The following TAP2 variants were observed in gnomAD, a reference collection of about 807,000 sequenced individuals.
TAP2 encodes transporter 2, ATP binding cassette subfamily B member, also known as antigen peptide transporter 2.
Under a neutral mutation model 74.7 loss-of-function variants are expected in TAP2, and 49 were observed. The ratio of observed to expected loss-of-function variants is 0.66; its 90% CI spans 0.52 to 0.83. TAP2 has a LOEUF of 0.83. Among genes scored for constraint, TAP2 ranks in the 40% least tolerant of loss-of-function variants. TAP2 has a pLI of 0.00. For missense variants in TAP2, 739 were observed against 859.0 expected (o/e 0.86, Z 1.75); for synonymous variants, 306 against 368.4 (o/e 0.83, Z 1.94).
At position 32,838,221 on chromosome 6, in the gene TAP2, C is replaced by T; in HGVS notation, c.13G>A (p.Asp5Asn). Residue 5 changes from aspartate (D) to asparagine (N), a missense_variant, in exon 2 of 12, where the codon GAC becomes AAC. Physicochemically the swap from Asp to Asn is conservative, Grantham distance 23. Transcript: ENST00000374897. MRLP[D>N]LRPWTSLLLV... is the part of the protein sequence containing the mutation. ...AGCAGGGAGGTCCAGGGTCTCAGGT[C>T]AGGGAGCCGCATGGCTCTGTCAACG... is the stretch of plus-strand genomic sequence containing the variant. The T allele has an allele frequency of 1.3e-6, 2 of 1,574,352 alleles. No homozygotes were observed. Among genetic ancestry groups the T allele is most frequent in the Non-Finnish European group, 1.7e-6 (2 of 1,162,652 alleles).
chr6:32,826,401 C>T lies in TAP2; in HGVS notation c.*2505G>A, dbSNP rs758647960. The T allele has an allele frequency of 2.9e-5, 29 of 985,044 alleles. No homozygotes were observed. The highest frequency in any genetic ancestry group is 1.2e-4 in the Admixed American group (2 of 16,232). 61.0% of individuals were successfully genotyped at this position (985,044 alleles called of 1,614,324 possible). Reference sequence around the variant, plus strand: ...GGGTGGGAAAGATACTGCAGGTAAGCGACAAGAAGGGGAAATTACAGGGTA... The same window carrying T: ...GGGTGGGAAAGATACTGCAGGTAAGTGACAAGAAGGGGAAATTACAGGGTA... On this transcript the variant is annotated 3_prime_UTR_variant, in exon 12 of 12. Transcript: ENST00000374897.
chr6:32,837,968 G>A lies in TAP2; in HGVS notation c.266C>T (p.Ala89Val). The A allele has an allele frequency of 6.2e-7, 1 of 1,612,756 alleles. No homozygotes were observed. The highest frequency in any genetic ancestry group is 8.5e-7 in the Non-Finnish European group (1 of 1,179,876). Residue 89 changes from alanine (A) to valine (V), a missense_variant, in exon 2 of 12, where the codon GCT (alanine) becomes GTT (valine). By Grantham distance (64) the Ala-to-Val change is moderately conservative (BLOSUM62 0). Coordinates refer to ENST00000374897, the MANE Select transcript of TAP2 (RefSeq NM_001290043.2). Reference protein sequence around the residue: ...LRALVAGASRAPPARVASAPW... With the variant: ...LRALVAGASRVPPARVASAPW... ...GGCTGAAGCGACTCTGGCTGGGGGA[G>A]CACGTGAGGCCCCCGCGACCAGGGC...
chr6:32,830,478 CTCCCTCAAAA>C, intron 8 of TAP2, 38 bp from the exon 9 acceptor site: 1 of 1,597,644 alleles, frequency 6.3e-7, no homozygotes, highest in Non-Finnish European at 8.5e-7. Context: ...CCTGCCCCTT[CTCCCTCAAAA>C]TCCCTCCATT....
chr6:32,822,148 G>T, downstream of TAP2: 2 of 709,642 alleles, frequency 2.8e-6, no homozygotes, highest in Non-Finnish European at 4.8e-6. Flanking sequence ...CCGAAGTATT[G>T]TTTTACATGT....
In TAP2 at chr6:32,835,097, GCCTCCTCA is replaced by G. The variant is rs2127362891; in HGVS notation, c.945+49_945+56del. ...GGATCCTCTAGCCACAAATGTGGAA[GCCTCCTCA>G]CCTGTCAGTTTTATTCTCCCTTTGG... On this transcript the variant is annotated intron_variant, in intron 5 of 11. Coordinates refer to ENST00000374897, the MANE Select transcript of TAP2 (RefSeq NM_001290043.2). This position sits in a 1 kb window ranked among gnomAD's most constrained non-coding sequence, Gnocchi z 4.0. 3.8e-6 allele frequency: 6 copies of G among 1,573,902 alleles called. No individual in the cohort carries two copies. The South Asian group carries it at 5.6e-5, about 15-fold the overall frequency.
chr6:32,827,686 G>A lies in TAP2; in HGVS notation c.*1220C>T, dbSNP rs939557449. The stretch of plus-strand genomic sequence containing the variant: ...GTGTTGGGGAAGGCAGAAGTTTGTC[G>A]TGGAGCTGGATACAACAGGAGAGGG... On this transcript the variant is annotated 3_prime_UTR_variant, in exon 12 of 12. Coordinates refer to ENST00000374897, the MANE Select transcript of TAP2 (RefSeq NM_001290043.2). 23 of 936,044 alleles carry A rather than the reference G, an allele frequency of 2.5e-5. No homozygotes were observed. In the South Asian group the frequency reaches 7.3e-4, roughly 30 times the overall value. 58.0% of individuals were successfully genotyped at this position (936,044 alleles called of 1,614,324 possible).
At chr6:32,834,044 A>T (rs1052437997) in intron 5 of TAP2, among the ~76,000 whole-genome samples, 2 of 152,216 alleles carry the variant, frequency 1.3e-5, no homozygotes, top group African/African-American at 2.4e-5. Flanking sequence ...AATCTTGGGT[A>T]TGTCTTTATC....
intron 1 of TAP2, 133 bp from the exon 2 acceptor site, chr6:32,838,370 C>T: frequency 1.6e-6 from 2 of 1,283,640 alleles, no homozygotes; most frequent in Non-Finnish European, 2.0e-6. Flanking sequence ...GAGAGCTCTC[C>T]TGAGTAACCG....
rs1768830628 is a variant in TAP2 at position 32,828,801 on chromosome 6, C to A, written c.*105G>T. ...GCTCTAGGGAAACTCAAAGCAGGAA[C>A]AGCTCTGGGTCCTGGAGACGCCCCT... On this transcript the variant is annotated 3_prime_UTR_variant, in exon 12 of 12. Transcript: ENST00000374897. 2.6e-5 allele frequency: 37 copies of A among 1,399,956 alleles called. No homozygotes were observed. The South Asian group carries it at 5.2e-4, about 20-fold the overall frequency. The allele number at this position is 1,399,956 out of a possible 1,614,324, so 86.7% of individuals were successfully genotyped here. A position where few individuals can be genotyped will look rare whatever the true frequency, so the allele number is the denominator to read the frequency against.
Position 32,835,237 on chromosome 6 carries a change from T to C in TAP2, c.862A>G (p.Ile288Val), listed in dbSNP as rs774034040. The change falls in exon 5 of 12, where the codon ATA becomes GTA. Residue 288 changes from isoleucine (I) to valine (V), a missense_variant. Coordinates refer to ENST00000374897, the MANE Select transcript of TAP2 (RefSeq NM_001290043.2). The surrounding 1 kb of genome is among the most constrained non-coding windows in gnomAD (Gnocchi z 4.0). ...VVGLYGFMLS[I>V]SPRLTLLSLL... The stretch of plus-strand genomic sequence containing the variant: ...GAAAGGAGGGTGAGTCGAGGCGATA[T>C]GCTGAGCATGAAGCCATACAGCCCC... The C allele has an allele frequency of 2.5e-6, 4 of 1,613,096 alleles. No individual in the cohort carries two copies. The South Asian group carries it at 4.4e-5, about 18-fold the overall frequency.
chr6:32,834,786 T>C (rs1451686346), intron 5 of TAP2, among the ~76,000 whole-genome samples: 1 of 152,218 alleles, frequency 6.6e-6, no homozygotes, highest in Non-Finnish European at 1.5e-5. Context: ...AAAATCTCCC[T>C]GCCTAAAAGC....
At position 32,832,995 on chromosome 6, in the gene TAP2, C is replaced by G. The variant is rs1769190806; in HGVS notation, c.946-171G>C. Among the ~76,000 whole-genome samples, 1 of 152,182 alleles carries G rather than the reference C, an allele frequency of 6.6e-6. No homozygotes were observed. On this transcript the variant is annotated intron_variant, in intron 5 of 11. Coordinates refer to ENST00000374897, the MANE Select transcript of TAP2 (RefSeq NM_001290043.2). This position sits in a 1 kb window ranked among gnomAD's most constrained non-coding sequence, Gnocchi z 5.9. ...GAATAAGAGTGAAGGAGCAAGGGAA[C>G]AAAATATTATTGAGCTCTCAGTGTT...
In TAP2 at chr6:32,826,676, C is replaced by G; in HGVS notation, c.*2230G>C. The G allele has an allele frequency of 1.0e-6, 1 of 985,400 alleles. No individual in the cohort carries two copies. Among genetic ancestry groups the G allele is most frequent in the Non-Finnish European group, 1.2e-6 (1 of 829,936 alleles). The allele number at this position is 985,400 out of a possible 1,614,324, so 61.0% of individuals were successfully genotyped here. ...TACTGCATCTTCCTGTACTGCCCAT[C>G]AAGATAAGTTTTCCACCCAGCTTTA... On this transcript the variant is annotated 3_prime_UTR_variant, in exon 12 of 12. Coordinates refer to ENST00000374897, the MANE Select transcript of TAP2 (RefSeq NM_001290043.2).
At chr6:32,823,397 T>G (rs1768430607), downstream of TAP2, among the ~76,000 whole-genome samples, 1 of 149,004 alleles carries the variant, frequency 6.7e-6, no homozygotes, top group Admixed American at 6.6e-5. Context: ...TTTTATACTT[T>G]ACATTATAAA....
At position 32,828,100 on chromosome 6, in the gene TAP2, C is replaced by T. The variant is rs759854552; in HGVS notation, c.*806G>A. The T allele has an allele frequency of 5.6e-5, 47 of 834,884 alleles. No homozygotes were observed. The highest frequency in any genetic ancestry group is 6.6e-5 in the Non-Finnish European group (46 of 693,610). The allele number at this position is 834,884 out of a possible 1,614,324, so 51.7% of individuals were successfully genotyped here. ...TGTTCAAACTCCAACTCCACCACTA[C>T]GACCACCTTGGGAAAGTCATTGAGC... is the stretch of plus-strand genomic sequence containing the variant. On this transcript the variant is annotated 3_prime_UTR_variant, in exon 12 of 12. Coordinates refer to ENST00000374897, the MANE Select transcript of TAP2 (RefSeq NM_001290043.2).
chr6:32,837,312 C>T (rs1044363283), intron 3 of TAP2, among the ~76,000 whole-genome samples: 1 of 152,170 alleles, frequency 6.6e-6, no homozygotes, highest in East Asian at 1.9e-4. Context: ...TCACTCATAA[C>T]TTGTTCCTAT....
Position 32,830,818 on chromosome 6 carries a change from G to A in TAP2, c.1273-12C>T, listed in dbSNP as rs1192255288. On this transcript the variant is annotated splice_polypyrimidine_tract_variant and intron_variant, in intron 7 of 11. Transcript: ENST00000374897. ...ATGTATACCAGGGTCTGGAAAACAG[G>A]AATGGGAGAGCCGGCTAATTAAACA... is the stretch of plus-strand genomic sequence containing the variant. 1 of 1,603,228 alleles carries A rather than the reference G, an allele frequency of 6.2e-7. No individual in the cohort carries two copies. Among genetic ancestry groups the A allele is most frequent in the Non-Finnish European group, 8.5e-7 (1 of 1,175,072 alleles).
rs2229526 is a variant in TAP2 at position 32,838,012 on chromosome 6, G to C, written c.222C>G (p.Pro74=). 4.3e-6 allele frequency: 7 copies of C among 1,612,416 alleles called. No homozygotes were observed. The highest frequency in any genetic ancestry group is 4.0e-5 in the African/African-American group (3 of 74,786). ...CCAGGGCTCTCAGGGAGACAGTCAG[G>C]GGGGTGGCCAGACAGAGCGGGAGCA... ...TLLLPLCLAT[P]LTVSLRALVA... is the part of the protein sequence containing the mutation. Residue 74 remains proline, a synonymous_variant, in exon 2 of 12, where the codon CCC becomes CCG. Coordinates refer to ENST00000374897, the MANE Select transcript of TAP2 (RefSeq NM_001290043.2).
chr6:32,828,288 T>C lies in TAP2; in HGVS notation c.*618A>G, dbSNP rs2127350395. 1 of 985,386 alleles carries C rather than the reference T, an allele frequency of 1.0e-6. No homozygotes were observed. The allele number at this position is 985,386 out of a possible 1,614,324, so 61.0% of individuals were successfully genotyped here. A position where few individuals can be genotyped will look rare whatever the true frequency, so the allele number is the denominator to read the frequency against. ...TAGCTGTTACCAATGTCGCTATTAA[T>C]ACTGTTAATCAGGGAACTGTTCTCT... On this transcript the variant is annotated 3_prime_UTR_variant, in exon 12 of 12. Coordinates refer to ENST00000374897, the MANE Select transcript of TAP2 (RefSeq NM_001290043.2).
Sources: allele counts gnomAD v4.1 joint callset (sites outside exome capture counted in the v4.1 genomes callset), GRCh38; gene constraint gnomAD v4.1.1; non-coding constraint Gnocchi (gnomAD v3.1); transcripts MANE v1.5; gene names NCBI Gene and HGNC (gene_info 2026-07-23, HGNC 2026-07-21).